The following AKAP13 variants were observed in gnomAD, a reference collection of about 807,000 sequenced individuals.
AKAP13 encodes the protein A-kinase anchor protein 13.
A neutral mutation model predicts 264.5 loss-of-function variants in AKAP13; 80 were observed. That is an observed-to-expected ratio of 0.30 (90% CI 0.25 to 0.36). The LOEUF (loss-of-function observed/expected upper bound fraction) is 0.36. Among genes scored for constraint, AKAP13 ranks in the 10% least tolerant of loss-of-function variants. AKAP13 has a pLI of 1.00. For missense variants in AKAP13, 3,712 were observed against 3,435.2 expected (o/e 1.08, Z -2.01); for synonymous variants, 1,380 against 1,250.2 (o/e 1.10, Z -2.19).
chr15:85,434,186 T>C (rs1214221980), intron 1 of AKAP13, among the ~76,000 whole-genome samples: 7 of 151,916 alleles, frequency 4.6e-5, no homozygotes, highest in Admixed American at 2.6e-4. Flanking sequence ...GGAGTTCCCT[T>C]TCCGAGTCAA....
chr15:85,431,861 A>G (rs73448276), intron 1 of AKAP13, among the ~76,000 whole-genome samples: 6,434 of 152,316 alleles, frequency 0.042, 438 homozygotes, highest in African/African-American at 0.15. Flanking sequence ...TCTGAAAGAT[A>G]GAGTTGTGTG....
At chr15:85,660,892 C>T (rs756756961) in intron 12 of AKAP13, among the ~76,000 whole-genome samples, 8 of 152,132 alleles carry the variant, frequency 5.3e-5, no homozygotes, top group Non-Finnish European at 1.2e-4. Flanking sequence ...GCTCTTACAT[C>T]CTCCCACCCA....
intron 8 of AKAP13, among the ~76,000 whole-genome samples, chr15:85,631,142 A>G (rs415628): frequency 0.12 from 18,975 of 152,168 alleles, 1,951 homozygotes; most frequent in East Asian, 0.36. Context: ...GTGAACCTCA[A>G]AAACATTTTG....
intron 8 of AKAP13, among the ~76,000 whole-genome samples, chr15:85,633,564 G>C: frequency 1.0e-5 from 1 of 95,302 alleles, no homozygotes; most frequent in South Asian, 3.6e-4. Context: ...TTTTTTTTGA[G>C]ACGGAGTCTC....
At chr15:85,668,892 G>C (rs577485377) in intron 13 of AKAP13, among the ~76,000 whole-genome samples, 1 of 150,232 alleles carries the variant, frequency 6.7e-6, no homozygotes, top group African/African-American at 2.5e-5. Flanking sequence ...GCAATGAGCC[G>C]AGATCATGCC....
chr15:85,388,181 G>T (rs1007095177), intron 1 of AKAP13, among the ~76,000 whole-genome samples: 2 of 151,608 alleles, frequency 1.3e-5, no homozygotes, highest in Non-Finnish European at 2.9e-5. Flanking sequence ...GATTACAGGT[G>T]CATGTTGTCA....
In AKAP13 at chr15:85,741,194, A is replaced by T. The variant is rs756655868; in HGVS notation, c.7757A>T (p.Asn2586Ile). ...SLEKQRQDLA[N>I]LQKQQAQYLE... ...GAGAAGCAGCGCCAGGACCTGGCCA[A>T]CCTGCAGAAGCAGCAGGCCCAGTAC... The change falls in exon 35 of 37, where the codon AAC becomes ATC. Residue 2586 changes from asparagine (N) to isoleucine (I), a missense_variant. Transcript: ENST00000394518. 9 of 1,611,286 alleles carry T rather than the reference A, an allele frequency of 5.6e-6. No homozygotes were observed. In the East Asian group the frequency reaches 8.9e-5, roughly 16 times the overall value.
intron 1 of AKAP13, among the ~76,000 whole-genome samples, chr15:85,466,700 A>G (rs1042712577): frequency 6.6e-6 from 1 of 152,194 alleles, no homozygotes; most frequent in Non-Finnish European, 1.5e-5. Flanking sequence ...CTTATTCATC[A>G]TAATGGGCAC....
intron 26 of AKAP13, among the ~76,000 whole-genome samples, chr15:85,725,085 T>C (rs1324129538): frequency 1.3e-5 from 2 of 152,200 alleles, no homozygotes; most frequent in Non-Finnish European, 1.5e-5. Flanking sequence ...CTTTATTCTT[T>C]CCTTTACATA....
chr15:85,474,690 G>T (rs989999171), intron 1 of AKAP13, among the ~76,000 whole-genome samples: 2 of 152,106 alleles, frequency 1.3e-5, no homozygotes, highest in Admixed American at 1.3e-4. Context: ...AGTCTTCATT[G>T]TTTAAAACTT....
intron 8 of AKAP13, among the ~76,000 whole-genome samples, chr15:85,595,872 A>G (rs1020353428): frequency 9.9e-5 from 15 of 152,260 alleles, no homozygotes; most frequent in Non-Finnish European, 2.2e-4. Context: ...TTACCACAGA[A>G]TATGAAAAAT....
intron 14 of AKAP13, chr15:85,670,641 C>T (rs2083876008): frequency 6.6e-6 from 1 of 151,684 alleles, no homozygotes; most frequent in African/African-American, 2.4e-5. Context: ...CTAAAAAGTT[C>T]CTCAGTTGAT....
At chr15:85,467,888 C>T (rs2074808737) in intron 1 of AKAP13, among the ~76,000 whole-genome samples, 1 of 152,220 alleles carries the variant, frequency 6.6e-6, no homozygotes, top group Non-Finnish European at 1.5e-5. Context: ...TCTCTGTCCT[C>T]ATCCAGCTTA....
chr15:85,442,524 TTATATATAATATATATTATA>T (rs1375478793), intron 1 of AKAP13, among the ~76,000 whole-genome samples: 16 of 113,464 alleles, frequency 1.4e-4, no homozygotes, highest in African/African-American at 4.3e-4. Flanking sequence ...ATATATTATA[TTATATATAATATATATTATA>T]TATATATTTA....
At chr15:85,545,730 C>T (rs925803108) in intron 5 of AKAP13, among the ~76,000 whole-genome samples, 1 of 152,204 alleles carries the variant, frequency 6.6e-6, no homozygotes, top group Admixed American at 6.5e-5. Flanking sequence ...CCAAATCACT[C>T]AGTGTGAGAG....
intron 10 of AKAP13, among the ~76,000 whole-genome samples, chr15:85,647,935 CA>C (rs2082630357): frequency 6.6e-6 from 1 of 151,628 alleles, no homozygotes; most frequent in African/African-American, 2.4e-5. Context: ...CTCAAAAAAA[CA>C]AAAAACAAAA....
chr15:85,630,639 C>T (rs1306918075), intron 8 of AKAP13, among the ~76,000 whole-genome samples: 1 of 152,018 alleles, frequency 6.6e-6, no homozygotes, highest in Non-Finnish European at 1.5e-5. Flanking sequence ...ATAGAAACAT[C>T]CCAGCATGGC....
rs1262486842 is a variant in AKAP13 at position 85,575,357 on chromosome 15, T to C, written c.861+28T>C. 5 of 1,593,030 alleles carry C rather than the reference T, an allele frequency of 3.1e-6. No individual in the cohort carries two copies. In the Admixed American group the frequency reaches 5.0e-5, roughly 16 times the overall value. On this transcript the variant is annotated intron_variant, in intron 6 of 36. Coordinates refer to ENST00000394518, the MANE Select transcript of AKAP13 (RefSeq NM_007200.5). ...AAGTCAGAAAGCTTTTATTTTTAAG[T>C]ATATGCATGTGTATGTGTGTGTTTT...
At position 85,693,288 on chromosome 15, in the gene AKAP13, A is replaced by G; in HGVS notation, c.5301A>G (p.Lys1767=). 1 of 1,591,336 alleles carries G rather than the reference A, an allele frequency of 6.3e-7. No homozygotes were observed. Among genetic ancestry groups the G allele is most frequent in the Non-Finnish European group, 8.5e-7 (1 of 1,173,760 alleles). The change falls in exon 17 of 37, where the codon AAA becomes AAG. Residue 1767 remains lysine (K), a synonymous_variant. Coordinates refer to ENST00000394518, the MANE Select transcript of AKAP13 (RefSeq NM_007200.5). ...SSSKKSKEKE[K]EKDKIKEKEK... Reference sequence around the variant, plus strand: ...CTTTTCTTCGGCAGGAAAAGGAAAAAGAAAAAGATAAGATTAAGGAGAAGG... The same window carrying G: ...CTTTTCTTCGGCAGGAAAAGGAAAAGGAAAAAGATAAGATTAAGGAGAAGG...
Sources: gnomAD v4.1 joint callset for allele counts (sites outside exome capture counted in the v4.1 genomes callset) on GRCh38, gnomAD v4.1.1 for gene constraint, MANE v1.5 for transcripts, NCBI Gene and HGNC (gene_info 2026-07-23, HGNC 2026-07-21) for gene names.